Variants in GSK3B observed in about 807,000 individuals in gnomAD.
GSK3B encodes glycogen synthase kinase-3 beta.
GSK3B carries 15 observed loss-of-function variants against 56.4 expected under a neutral mutation model. That is an observed-to-expected ratio of 0.27 (90% CI 0.18 to 0.41). GSK3B has a LOEUF of 0.41. Ranked by LOEUF, GSK3B falls within the 10% of genes least tolerant of loss-of-function variation. The pLI is 1.00. For missense variants in GSK3B, 300 were observed against 513.4 expected, an observed-to-expected ratio of 0.58 and a Z score of 4.02; for synonymous variants, 181 against 188.9, an observed-to-expected ratio of 0.96 and a Z score of 0.34.
chr3:119,822,285 GGTTT>G lies in GSK3B; in HGVS notation c.*4499_*4502del, dbSNP rs1486118127. The G allele has an allele frequency of 9.0e-5, 16 of 178,252 alleles. No individual in the cohort carries two copies. The highest frequency in any genetic ancestry group is 6.1e-4 in the South Asian group (3 of 4,890). The allele number at this position is 178,252 out of a possible 1,614,324, so 11.0% of individuals were successfully genotyped here. Reference sequence around the variant, plus strand: ...TATATATAATAAATTTTGTTTTTTAGGTTTGTTTTTAAGATGGAAGTGGTCACGC... The same window carrying G: ...TATATATAATAAATTTTGTTTTTTAGGTTTTTAAGATGGAAGTGGTCACGC... On this transcript the variant is annotated 3_prime_UTR_variant, in exon 11 of 11. Coordinates refer to ENST00000264235, the MANE Select transcript of GSK3B (RefSeq NM_001146156.2).
chr3:119,831,248 T>C (rs1254733751), intron 10 of GSK3B, among the ~76,000 whole-genome samples: 4 of 152,102 alleles, frequency 2.6e-5, no homozygotes, highest in Non-Finnish European at 4.4e-5. Flanking sequence ...GCAGAAAAGA[T>C]TTCCTAGCAA....
At chr3:119,950,004 G>C (rs1011893204) in intron 2 of GSK3B, among the ~76,000 whole-genome samples, 11 of 151,896 alleles carry the variant, frequency 7.2e-5, no homozygotes, top group Middle Eastern at 3.2e-3. Context: ...TCTAGATAAA[G>C]AAGATTTAAA....
chr3:119,960,151 C>CAA (rs574956694), intron 2 of GSK3B, among the ~76,000 whole-genome samples: 5,888 of 74,506 alleles, frequency 0.079, 399 homozygotes, highest in East Asian at 0.13. Flanking sequence ...TATGCTGAGA[C>CAA]AAAAAAAAAA....
intron 6 of GSK3B, among the ~76,000 whole-genome samples, chr3:119,907,550 A>T (rs2056694823): frequency 6.6e-6 from 1 of 152,296 alleles, no homozygotes; most frequent in Admixed American, 6.5e-5. Context: ...GGACAAATGG[A>T]TGAAATTCTC....
intron 8 of GSK3B, among the ~76,000 whole-genome samples, chr3:119,872,012 T>C (rs1206678585): frequency 6.6e-6 from 1 of 152,074 alleles, no homozygotes; most frequent in Admixed American, 6.6e-5. Context: ...ATTACTAGGA[T>C]AGAGGAGAAA....
At chr3:119,928,605 A>AAAAAAAT (rs1559840622) in intron 3 of GSK3B, among the ~76,000 whole-genome samples, 1 of 124,590 alleles carries the variant, frequency 8.0e-6, no homozygotes, top group Non-Finnish European at 1.6e-5. Flanking sequence ...ACTCCATATC[A>AAAAAAAT]AAAAAATAAA....
chr3:120,089,491 A>C (rs2058493188), intron 1 of GSK3B, among the ~76,000 whole-genome samples: 1 of 152,202 alleles, frequency 6.6e-6, no homozygotes, highest in African/African-American at 2.4e-5. Flanking sequence ...GGAATACGGA[A>C]ACTCTAAGTT....
At chr3:119,961,632 CAAAAAAAA>C (rs1211316414) in intron 2 of GSK3B, among the ~76,000 whole-genome samples, 18 of 95,874 alleles carry the variant, frequency 1.9e-4, no homozygotes, top group Admixed American at 5.9e-4. Flanking sequence ...GTCTCACAAA[CAAAAAAAA>C]AAAAAAAAAA....
At chr3:119,909,565 G>A (rs78268305) in intron 6 of GSK3B, among the ~76,000 whole-genome samples, 16,002 of 152,178 alleles carry the variant, frequency 0.11, 955 homozygotes, top group African/African-American at 0.17. Flanking sequence ...TAAAAGAGAA[G>A]GTCAATAATG....
intron 1 of GSK3B, among the ~76,000 whole-genome samples, chr3:120,085,708 AG>A (rs2058457854): frequency 6.6e-6 from 1 of 152,180 alleles, no homozygotes; most frequent in South Asian, 2.1e-4. Context: ...AGGCTGAGGC[AG>A]GGGAATTCCT....
chr3:119,885,552 C>T (rs2056426800), intron 7 of GSK3B, among the ~76,000 whole-genome samples: 1 of 151,974 alleles, frequency 6.6e-6, no homozygotes, highest in Admixed American at 6.6e-5. Context: ...GAAGAAACTA[C>T]TCTAAAATTC....
chr3:119,900,611 C>A (rs79393867), intron 7 of GSK3B, among the ~76,000 whole-genome samples: 3,937 of 152,100 alleles, frequency 0.026, 175 homozygotes, highest in African/African-American at 0.089. Context: ...TTCTGGGGGA[C>A]ACCTGTCATT....
At chr3:119,879,659 C>G (rs1207557395) in intron 7 of GSK3B, among the ~76,000 whole-genome samples, 1 of 152,034 alleles carries the variant, frequency 6.6e-6, no homozygotes, top group Non-Finnish European at 1.5e-5. Context: ...CCTTCCCAGC[C>G]TCTGCTAACC....
intron 6 of GSK3B, among the ~76,000 whole-genome samples, 167 bp downstream of exon 6, chr3:119,912,537 A>G (rs865985813): frequency 3.3e-5 from 5 of 152,138 alleles, no homozygotes; most frequent in South Asian, 2.1e-4. Context: ...AAAGTATAAT[A>G]AAATGAGGTA....
intron 1 of GSK3B, among the ~76,000 whole-genome samples, chr3:120,013,433 A>T (rs1191813924): frequency 6.6e-6 from 1 of 152,206 alleles, no homozygotes; most frequent in Non-Finnish European, 1.5e-5. Context: ...AGAGAATATG[A>T]ATAAGGTGTA....
chr3:119,909,908 CTTCT>C (rs2056719065), intron 6 of GSK3B, among the ~76,000 whole-genome samples: 1 of 152,198 alleles, frequency 6.6e-6, no homozygotes, highest in Non-Finnish European at 1.5e-5. Context: ...TATTCAGTTC[CTTCT>C]ATGACTAAAC....
intron 10 of GSK3B, among the ~76,000 whole-genome samples, chr3:119,828,975 T>C (rs2055560020): frequency 6.6e-6 from 1 of 152,174 alleles, no homozygotes; most frequent in Non-Finnish European, 1.5e-5. Context: ...AATTCATCAG[T>C]ATGGCAAATG....
intron 1 of GSK3B, chr3:120,029,439 C>T: frequency 1.4e-6 from 1 of 720,548 alleles, no homozygotes; most frequent in Admixed American, 1.8e-5. Flanking sequence ...GCTTCGCCTC[C>T]AGCACAGTGA....
chr3:119,835,425 A>C (rs1448364349), intron 10 of GSK3B, among the ~76,000 whole-genome samples: 1 of 152,214 alleles, frequency 6.6e-6, no homozygotes, highest in African/African-American at 2.4e-5. Context: ...GACACAAACC[A>C]AAAGTCCAAG....
Sources: gnomAD v4.1 joint callset for allele counts (sites outside exome capture counted in the v4.1 genomes callset) on GRCh38, gnomAD v4.1.1 for gene constraint, MANE v1.5 for transcripts, NCBI Gene and HGNC (gene_info 2026-07-23, HGNC 2026-07-21) for gene names.